The following TNFSF4 variants were observed in gnomAD, a reference collection of about 807,000 sequenced individuals.
The protein encoded by TNFSF4 is TNF superfamily member 4.
A neutral mutation model predicts 7.3 loss-of-function variants in TNFSF4; 4 were observed. That is an observed-to-expected ratio of 0.55 (90% confidence interval 0.27 to 1.25). The LOEUF (loss-of-function observed/expected upper bound fraction) is 1.25. Ranked by LOEUF, TNFSF4 falls within the 50% of genes most tolerant of loss-of-function variation. The pLI, the probability that TNFSF4 is intolerant of heterozygous loss-of-function variation, is 0.12. For missense variants in TNFSF4, 181 were observed against 208.8 expected, an observed-to-expected ratio of 0.87 and a Z score of 0.82; for synonymous variants, 76 against 83.7, an observed-to-expected ratio of 0.91 and a Z score of 0.50.
At chr1:173,247,076 A>G in the TNFSF4 span, among the ~76,000 whole-genome samples, 1 of 152,222 alleles carries the variant, frequency 6.6e-6, no homozygotes, top group African/African-American at 2.4e-5. Context: ...AAAAAGATGA[A>G]TAAACTCTAT....
chr1:173,243,380 C>A, the TNFSF4 span, among the ~76,000 whole-genome samples: 3 of 152,256 alleles, frequency 2.0e-5, no homozygotes, highest in South Asian at 4.1e-4. Context: ...CCTCCACAGT[C>A]CTCTTAAGAG....
chr1:173,290,943 T>C, the TNFSF4 span, among the ~76,000 whole-genome samples: 1 of 152,056 alleles, frequency 6.6e-6, no homozygotes, highest in South Asian at 2.1e-4. Context: ...AATCATACAA[T>C]TACATGGAAA....
At chr1:173,417,031 A>G in the TNFSF4 span, among the ~76,000 whole-genome samples, 12,342 of 152,228 alleles carry the variant, frequency 0.081, 762 homozygotes, top group East Asian at 0.28. Context: ...ACAGGGCAGT[A>G]TTTTCCTGGG....
the TNFSF4 span, among the ~76,000 whole-genome samples, chr1:173,223,524 G>A: frequency 2.6e-5 from 4 of 152,098 alleles, no homozygotes. Context: ...AAAATAGAGG[G>A]AAAAGACAAT....
chr1:173,263,850 G>C, the TNFSF4 span, among the ~76,000 whole-genome samples: 1 of 152,182 alleles, frequency 6.6e-6, no homozygotes, highest in Non-Finnish European at 1.5e-5. Context: ...TTCCAGAGAG[G>C]AAAAGGCTGT....
At chr1:173,407,559 CAAAAAAAAAAAAA>C in the TNFSF4 span, among the ~76,000 whole-genome samples, 1 of 72,066 alleles carries the variant, frequency 1.4e-5, no homozygotes, top group Non-Finnish European at 2.5e-5. Context: ...GACTCTGCCT[CAAAAAAAAAAAAA>C]AAAAAAAAAA....
the TNFSF4 span, among the ~76,000 whole-genome samples, chr1:173,402,730 A>G: frequency 6.6e-6 from 1 of 152,226 alleles, no homozygotes; most frequent in Non-Finnish European, 1.5e-5. Context: ...TGGGCCAGAA[A>G]TCTGTAAGGA....
At chr1:173,392,731 T>C in the TNFSF4 span, among the ~76,000 whole-genome samples, 1 of 152,180 alleles carries the variant, frequency 6.6e-6, no homozygotes, top group Non-Finnish European at 1.5e-5. Context: ...CTATAATCAC[T>C]AAATCAGGCA....
chr1:173,438,812 AAC>A, the TNFSF4 span, among the ~76,000 whole-genome samples: 2 of 152,224 alleles, frequency 1.3e-5, no homozygotes, highest in Non-Finnish European at 2.9e-5. Context: ...GCTCATGTGT[AAC>A]ACAGACTGAG....
chr1:173,336,249 T>C, the TNFSF4 span, among the ~76,000 whole-genome samples: 1 of 152,170 alleles, frequency 6.6e-6, no homozygotes, highest in Non-Finnish European at 1.5e-5. Flanking sequence ...ACTACCACCA[T>C]TAAAGATTTG....
At chr1:173,285,188 G>A in the TNFSF4 span, among the ~76,000 whole-genome samples, 45 of 152,108 alleles carry the variant, frequency 3.0e-4, no homozygotes, top group Admixed American at 8.5e-4. Flanking sequence ...AGACTTCACC[G>A]GAGGAAGTAT....
chr1:173,313,366 G>C, the TNFSF4 span, among the ~76,000 whole-genome samples: 1 of 152,052 alleles, frequency 6.6e-6, no homozygotes, highest in Admixed American at 6.6e-5. Context: ...ATTCTCAATT[G>C]AATAAGGCAA....
the TNFSF4 span, among the ~76,000 whole-genome samples, chr1:173,342,230 G>A: frequency 1.3e-5 from 2 of 152,228 alleles, no homozygotes; most frequent in African/African-American, 4.8e-5. Context: ...ATCTCTCTGG[G>A]ACTAGGAAAT....
chr1:173,415,238 C>T, the TNFSF4 span, among the ~76,000 whole-genome samples: 3 of 152,216 alleles, frequency 2.0e-5, no homozygotes, highest in African/African-American at 2.4e-5. Context: ...GGCAAGACCA[C>T]GTCTCACATT....
At chr1:173,414,574 T>C in the TNFSF4 span, among the ~76,000 whole-genome samples, 1 of 152,240 alleles carries the variant, frequency 6.6e-6, no homozygotes, top group Non-Finnish European at 1.5e-5. Flanking sequence ...AGTCTGCTTA[T>C]GGTTTTCAGT....
the TNFSF4 span, among the ~76,000 whole-genome samples, chr1:173,417,316 G>A: frequency 6.6e-6 from 1 of 152,176 alleles, no homozygotes; most frequent in Admixed American, 6.5e-5. Context: ...GTTCGTGTGA[G>A]GGTTGATGTT....
chr1:173,202,070 T>TAC (rs1553213097), intron 1 of TNFSF4, among the ~76,000 whole-genome samples: 1 of 149,564 alleles, frequency 6.7e-6, no homozygotes, highest in South Asian at 2.1e-4. Context: ...TATATATATA[T>TAC]ACACACACAC....
the TNFSF4 span, among the ~76,000 whole-genome samples, chr1:173,437,590 T>C: frequency 6.6e-6 from 1 of 152,190 alleles, no homozygotes; most frequent in Non-Finnish European, 1.5e-5. Flanking sequence ...TTTCTTGTAC[T>C]CTTTTAGGTA....
At chr1:173,418,952 C>T in the TNFSF4 span, among the ~76,000 whole-genome samples, 986 of 152,310 alleles carry the variant, frequency 6.5e-3, 3 homozygotes, top group Non-Finnish European at 0.011. Flanking sequence ...ATATCGATGA[C>T]ATTTGGAGGT....
Sources: gnomAD v4.1 joint callset for allele counts (sites outside exome capture counted in the v4.1 genomes callset) on GRCh38, gnomAD v4.1.1 for gene constraint, MANE v1.5 for transcripts, NCBI Gene and HGNC (gene_info 2026-07-23, HGNC 2026-07-21) for gene names.